The following NF1 variants were observed in gnomAD, a reference collection of about 807,000 sequenced individuals.
NF1 encodes the protein neurofibromin 1.
Under a neutral mutation model 325.7 loss-of-function variants are expected in NF1, and 122 were observed. The observed-to-expected ratio is 0.37, with a 90% CI of 0.32 to 0.44. The LOEUF is 0.44. Among genes scored for constraint, NF1 ranks in the 20% least tolerant of loss-of-function variants. The pLI is 1.00. For missense variants in NF1, 2,140 were observed against 3,415.4 expected, an observed-to-expected ratio of 0.63 and a Z score of 9.31; for synonymous variants, 1,091 against 1,186.0, an observed-to-expected ratio of 0.92 and a Z score of 1.65.
At chr17:31,144,103 T>C (rs78307893) in intron 1 of NF1, among the ~76,000 whole-genome samples, 1 of 152,222 alleles carries the variant, frequency 6.6e-6, no homozygotes, top group African/African-American at 2.4e-5. Flanking sequence ...GATTACAGGC[T>C]TGAGCCACTG....
rs2143777099 is a variant in NF1 at position 31,181,701 on chromosome 17, T to C, written c.655-9T>C. The C allele has an allele frequency of 6.3e-7, 1 of 1,598,656 alleles. No homozygotes were observed. Among genetic ancestry groups the C allele is most frequent in the Non-Finnish European group, 8.6e-7 (1 of 1,165,974 alleles). ...ATCACTGTAAAGACATGTGGTTCTT[T>C]ATTTATAGGCATTTTGGAACTGGGT... On this transcript the variant is annotated splice_polypyrimidine_tract_variant and intron_variant, in intron 6 of 57. Transcript: ENST00000358273.
At position 31,221,692 on chromosome 17, in the gene NF1, A is replaced by G. The variant is rs17883230; in HGVS notation, c.1642-158A>G. ...TATTATTCCCTAGAGGTTTGTGTTC[A>G]CCAGAGTTTCTCTCTTTTTACCTTT... is the stretch of plus-strand genomic sequence containing the variant. On this transcript the variant is annotated intron_variant, in intron 14 of 57. Coordinates refer to ENST00000358273, the MANE Select transcript of NF1 (RefSeq NM_001042492.3). 0.03 allele frequency among the ~76,000 whole-genome samples: 4,574 copies of G among 152,244 alleles called. 116 individuals carry two copies. Among genetic ancestry groups the G allele is most frequent in the Middle Eastern group, 0.048 (14 of 294 alleles).
chr17:31,129,862 G>A (rs1336881667), intron 1 of NF1, among the ~76,000 whole-genome samples: 5 of 152,046 alleles, frequency 3.3e-5, no homozygotes, highest in African/African-American at 1.2e-4. Context: ...ACATTCTCCT[G>A]AATCTCAATG....
chr17:31,230,654 A>G (rs1468767396), intron 23 of NF1, among the ~76,000 whole-genome samples, 188 bp from the exon 24 acceptor site: 1 of 152,172 alleles, frequency 6.6e-6, no homozygotes, highest in Non-Finnish European at 1.5e-5. Flanking sequence ...ATGGAGGATA[A>G]ATATCCATGT....
intron 1 of NF1, among the ~76,000 whole-genome samples, chr17:31,113,435 G>T (rs561759936): frequency 6.6e-6 from 1 of 152,074 alleles, no homozygotes; most frequent in African/African-American, 2.4e-5. Context: ...ATAGAGACAG[G>T]ATCTTGCTGT....
chr17:31,185,045 A>G (rs962978818), intron 8 of NF1, among the ~76,000 whole-genome samples: 3 of 152,172 alleles, frequency 2.0e-5, no homozygotes, highest in Non-Finnish European at 4.4e-5. Flanking sequence ...AGTAGTGGCA[A>G]CATCCCCTCC....
intron 36 of NF1, chr17:31,320,444 T>G (rs368256563): frequency 6.3e-5 from 102 of 1,610,230 alleles, no homozygotes; most frequent in Non-Finnish European, 8.5e-5. Context: ...ATGCCACTGC[T>G]AGTCAGGCTT....
intron 36 of NF1, chr17:31,278,253 GA>G (rs534941993): frequency 6.6e-6 from 1 of 152,014 alleles, no homozygotes; most frequent in East Asian, 1.9e-4. Context: ...TAAGAAAATG[GA>G]AAAAAGTAAT....
At chr17:31,103,369 A>G (rs1431030893) in intron 1 of NF1, among the ~76,000 whole-genome samples, 1 of 152,066 alleles carries the variant, frequency 6.6e-6, no homozygotes, top group Non-Finnish European at 1.5e-5. Context: ...CAGCCTCCCA[A>G]GTAGCTGGGA....
chr17:31,336,445 C>G lies in NF1; in HGVS notation c.6119C>G (p.Ser2040Cys), dbSNP rs2069671270. The change falls in exon 41 of 58, where the codon TCT becomes TGT. Residue 2040 changes from serine to cysteine, a missense_variant. Transcript: ENST00000358273. The surrounding 1 kb of genome is among the most constrained non-coding windows in gnomAD (Gnocchi z 5.5). ...VMADTAVALA[S>C]GNVKLVSSKV... Reference sequence around the variant, plus strand: ...GCAGATACTGCTGTAGCTTTGGCTTCTGGAAATGTGAAATTGGTTTCAAGC... The same window carrying G: ...GCAGATACTGCTGTAGCTTTGGCTTGTGGAAATGTGAAATTGGTTTCAAGC... 6.2e-7 allele frequency: 1 copy of G among 1,614,078 alleles called. No homozygotes were observed. The highest frequency in any genetic ancestry group is 8.5e-7 in the Non-Finnish European group (1 of 1,180,020).
intron 36 of NF1, chr17:31,296,474 A>G (rs1305328253): frequency 3.7e-6 from 3 of 802,248 alleles, no homozygotes; most frequent in African/African-American, 3.4e-5. Context: ...CAGTGATTAA[A>G]CTAACAAAGC....
chr17:31,285,260 C>CA (rs2068202593), intron 36 of NF1, among the ~76,000 whole-genome samples: 1 of 126,480 alleles, frequency 7.9e-6, no homozygotes, highest in Admixed American at 9.2e-5. Context: ...CTGGGCAAGA[C>CA]AGAGTGAGAT....
intron 35 of NF1, among the ~76,000 whole-genome samples, chr17:31,263,111 A>G (rs7225479): frequency 3.0e-3 from 202 of 67,134 alleles, no homozygotes; most frequent in African/African-American, 8.2e-3. Context: ...AGGTAGGTAG[A>G]TAGATAGATA....
intron 30 of NF1, chr17:31,250,351 A>C (rs1283735183): frequency 4.6e-6 from 1 of 217,774 alleles, no homozygotes; most frequent in Non-Finnish European, 9.3e-6. Context: ...TTTATTTAGT[A>C]ATTGTTCTAT....
At chr17:31,249,973 C>CT in intron 30 of NF1, 2 of 491,908 alleles carry the variant, frequency 4.1e-6, no homozygotes, top group Non-Finnish European at 4.0e-6. Flanking sequence ...CAGCCATTTG[C>CT]TTTTTTAGCA....
intron 51 of NF1, among the ~76,000 whole-genome samples, chr17:31,353,164 C>T (rs1247578615): frequency 1.3e-5 from 2 of 152,152 alleles, no homozygotes; most frequent in Non-Finnish European, 2.9e-5. Context: ...CCTCCTCGGC[C>T]TCCCAAAGTG....
At chr17:31,217,962 G>A (rs146576574) in intron 13 of NF1, among the ~76,000 whole-genome samples, 19 of 151,480 alleles carry the variant, frequency 1.3e-4, no homozygotes, top group African/African-American at 4.6e-4. Context: ...AAAAAAGGTA[G>A]GCATTCACAT....
intron 1 of NF1, among the ~76,000 whole-genome samples, chr17:31,130,979 C>A (rs185653376): frequency 6.6e-6 from 1 of 151,994 alleles, no homozygotes; most frequent in Non-Finnish European, 1.5e-5. Flanking sequence ...GGTATGTGGC[C>A]CCCCCCGGCA....
At chr17:31,350,945 G>A (rs1259482617) in intron 50 of NF1, among the ~76,000 whole-genome samples, 3 of 151,974 alleles carry the variant, frequency 2.0e-5, no homozygotes, top group East Asian at 1.9e-4. Flanking sequence ...TCTTCTGTTC[G>A]CAAAACTCGT....
Sources: gnomAD v4.1 joint callset for allele counts (sites outside exome capture counted in the v4.1 genomes callset) on GRCh38, gnomAD v4.1.1 for gene constraint, Gnocchi (gnomAD v3.1) non-coding constraint, MANE v1.5 for transcripts, NCBI Gene and HGNC (gene_info 2026-07-23, HGNC 2026-07-21) for gene names.